The following PRKCG variants were observed in gnomAD, a reference collection of about 807,000 sequenced individuals.
PRKCG encodes protein kinase C gamma type.
Under a neutral mutation model 82.0 loss-of-function variants are expected in PRKCG, and 28 were observed. The ratio of observed to expected loss-of-function variants is 0.34; its 90% confidence interval spans 0.25 to 0.47. PRKCG has a LOEUF of 0.47. PRKCG is among the 20% of genes least tolerant of loss of function. PRKCG has a pLI of 1.00. For missense variants in PRKCG, 640 were observed against 952.7 expected (o/e 0.67, Z 4.32); for synonymous variants, 383 against 376.6 (o/e 1.02, Z -0.20).
At chr19:53,901,468 G>A (rs1031621325) in intron 14 of PRKCG, among the ~76,000 whole-genome samples, 2 of 145,638 alleles carry the variant, frequency 1.4e-5, no homozygotes, top group African/African-American at 2.6e-5. Context: ...CGCTTGAACC[G>A]GGGAGGCGGA....
In PRKCG at chr19:53,906,189, A is replaced by G. The variant is rs560947893; in HGVS notation, c.1765-128A>G. The G allele has an allele frequency of 1.5e-4, 184 of 1,236,444 alleles. 1 individual carries two copies. In the South Asian group the frequency reaches 2.2e-3, roughly 15 times the overall value. 76.6% of individuals were successfully genotyped at this position (1,236,444 alleles called of 1,614,324 possible). On this transcript the variant is annotated intron_variant, in intron 16 of 17. Coordinates refer to ENST00000263431, the MANE Select transcript of PRKCG (RefSeq NM_002739.5). Reference sequence around the variant, plus strand: ...TTGCCTGTTTCCCCTGGCTGTTCTTATCTCTCCGGATCTCATGCCTGTGTC... The same window carrying G: ...TTGCCTGTTTCCCCTGGCTGTTCTTGTCTCTCCGGATCTCATGCCTGTGTC...
rs762450570 is a variant in PRKCG at position 53,897,989 on chromosome 19, A to C, written c.970A>C (p.Ile324Leu). Residue 324 changes from isoleucine to leucine, a missense_variant, in exon 10 of 18, where the codon ATC (isoleucine) becomes CTC (leucine). Physicochemically the swap from Ile to Leu is conservative, Grantham distance 5. Coordinates refer to ENST00000263431, the MANE Select transcript of PRKCG (RefSeq NM_002739.5). Reference protein sequence around the residue: ...RVRMGPSSSPIPSPSPSPTDP... With the variant: ...RVRMGPSSSPLPSPSPSPTDP... Reference sequence around the variant, plus strand: ...GCGGATGGGCCCCTCTTCCTCTCCCATCCCCTCCCCTTCCCCTAGTCCCAC... The same window carrying C: ...GCGGATGGGCCCCTCTTCCTCTCCCCTCCCCTCCCCTTCCCCTAGTCCCAC... The C allele has an allele frequency of 2.9e-5, 47 of 1,613,712 alleles. No individual in the cohort carries two copies. In the South Asian group the frequency reaches 4.8e-4, roughly 17 times the overall value.
At chr19:53,903,011 C>G in intron 14 of PRKCG, 62 bp from the exon 15 acceptor site, 1 of 1,290,214 alleles carries the variant, frequency 7.8e-7, no homozygotes, top group Non-Finnish European at 1.1e-6. Flanking sequence ...GGGGGTGAGG[C>G]CAGAGGGGTC....
chr19:53,885,971 A>G (rs1331870026), intron 3 of PRKCG, among the ~76,000 whole-genome samples: 2 of 150,738 alleles, frequency 1.3e-5, no homozygotes, highest in African/African-American at 4.9e-5. Context: ...AGGCTGAGGC[A>G]GAATTGCTTG....
chr19:53,886,259 C>T (rs1224636893), intron 3 of PRKCG, among the ~76,000 whole-genome samples: 1 of 151,162 alleles, frequency 6.6e-6, no homozygotes, highest in African/African-American at 2.4e-5. Context: ...AGGCATGAGC[C>T]ACCATGGCCG....
At position 53,891,723 on chromosome 19, in the gene PRKCG, TC is replaced by T; in HGVS notation, c.582del (p.Tyr195MetfsTer2). The part of the protein sequence containing the change: ...IPMDPNGLSD[P>X]YVKLKLIPDP... ...CTATGGACCCCAATGGTCTCTCTGA[TC>T]CCTATGTGAAACTGAAGCTCATCCC... On this transcript the variant is annotated frameshift_variant, in exon 6 of 18. Transcript: ENST00000263431. LOFTEE classifies it high-confidence loss of function. 1 of 1,614,050 alleles carries T rather than the reference TC, an allele frequency of 6.2e-7. No individual in the cohort carries two copies. The highest frequency in any genetic ancestry group is 8.5e-7 in the Non-Finnish European group (1 of 1,179,990).
In PRKCG at chr19:53,890,035, C is replaced by A. The variant is rs983465927; in HGVS notation, c.529+18C>A. ...CGTAACTGGTGAGGCCCCGCCCCCT[C>A]GCCTGGCCCCGCCCCCTCCCCAAGT... On this transcript the variant is annotated intron_variant, in intron 5 of 17. Transcript: ENST00000263431. 2.6e-6 allele frequency: 4 copies of A among 1,547,854 alleles called. No individual in the cohort carries two copies. Among genetic ancestry groups the A allele is most frequent in the Middle Eastern group, 2.3e-4 (1 of 4,388 alleles).
At chr19:53,891,047 G>A (rs307944) in intron 5 of PRKCG, among the ~76,000 whole-genome samples, 21,574 of 151,796 alleles carry the variant, frequency 0.14, 2,047 homozygotes, top group Non-Finnish European at 0.21. Context: ...GACCGTGCCC[G>A]GCAATGGCTT....
chr19:53,887,635 C>T (rs2068641276), intron 3 of PRKCG, among the ~76,000 whole-genome samples: 1 of 148,910 alleles, frequency 6.7e-6, no homozygotes, highest in Non-Finnish European at 1.5e-5. Context: ...TCCAAACCAT[C>T]CTGGCTAACG....
rs1477143592 is a variant in PRKCG at position 53,892,261 on chromosome 19, A to G, written c.687-248A>G. On this transcript the variant is annotated intron_variant, in intron 6 of 17. Coordinates refer to ENST00000263431, the MANE Select transcript of PRKCG (RefSeq NM_002739.5). This position sits in a 1 kb window ranked among gnomAD's most constrained non-coding sequence, Gnocchi z 5.9. Reference sequence around the variant, plus strand: ...TCAGAGAGAGAGATCTCGAGAGACAAGAGACAGAGATGGGAAGGGGCGGAG... The same window carrying G: ...TCAGAGAGAGAGATCTCGAGAGACAGGAGACAGAGATGGGAAGGGGCGGAG... 1.3e-5 allele frequency among the ~76,000 whole-genome samples: 2 copies of G among 152,162 alleles called. No homozygotes were observed. The highest frequency in any genetic ancestry group is 2.9e-5 in the Non-Finnish European group (2 of 68,026).
At chr19:53,903,886 ATTTC>A (rs1168646010) in intron 15 of PRKCG, among the ~76,000 whole-genome samples, 1 of 152,222 alleles carries the variant, frequency 6.6e-6, no homozygotes, top group Non-Finnish European at 1.5e-5. Flanking sequence ...CATATGTGCA[ATTTC>A]TTATTAATTC....
intron 16 of PRKCG, among the ~76,000 whole-genome samples, chr19:53,905,062 C>G (rs1429560274): frequency 6.6e-6 from 1 of 152,142 alleles, no homozygotes; most frequent in East Asian, 1.9e-4. Flanking sequence ...AGCTTTTCTT[C>G]CTGTGTGAAC....
chr19:53,896,860 T>C (rs2068721984), intron 9 of PRKCG, among the ~76,000 whole-genome samples: 1 of 152,194 alleles, frequency 6.6e-6, no homozygotes, highest in South Asian at 2.1e-4. Flanking sequence ...AGAATAAAAG[T>C]GCCAGGAAGG....
Position 53,889,922 on chromosome 19 carries a change from G to C in PRKCG, c.434G>C (p.Ser145Thr), listed in dbSNP as rs2068659863. 6.3e-7 allele frequency: 1 copy of C among 1,583,876 alleles called. No individual in the cohort carries two copies. Among genetic ancestry groups the C allele is most frequent in the Non-Finnish European group, 8.6e-7 (1 of 1,165,962 alleles). The change falls in exon 5 of 18, where the codon AGC (serine) becomes ACC (threonine). Residue 145 changes from serine to threonine, a missense_variant. Physicochemically the swap from Ser to Thr is moderately conservative, Grantham distance 58. This residue lies in a region of PRKCG where 261 missense variants were observed against 312.1 expected (regional missense o/e 0.84). Coordinates refer to ENST00000263431, the MANE Select transcript of PRKCG (RefSeq NM_002739.5). This position sits in a 1 kb window ranked among gnomAD's most constrained non-coding sequence, Gnocchi z 4.4. ...AACGTGCACCGGCGCTGTGTGCGTA[G>C]CGTGCCCTCCCTGTGCGGTGTGGAC... ...EMNVHRRCVR[S>T]VPSLCGVDHT...
intron 9 of PRKCG, among the ~76,000 whole-genome samples, chr19:53,894,755 C>G (rs2068705955): frequency 6.6e-6 from 1 of 152,182 alleles, no homozygotes; most frequent in Non-Finnish European, 1.5e-5. Flanking sequence ...CGACCACGCC[C>G]AGACGAATAC....
chr19:53,889,313 A>AT lies in PRKCG; in HGVS notation c.286-319dup, dbSNP rs899356935. Among the ~76,000 whole-genome samples, 10 of 151,922 alleles carry AT rather than the reference A, an allele frequency of 6.6e-5. No homozygotes were observed. Among genetic ancestry groups the AT allele is most frequent in the African/African-American group, 2.4e-4 (10 of 41,410 alleles). ...TTCTGGTGGTCCCCATCCCTGCCTC[A>AT]TTTTTTCTCCAGAGCACCCATTACC... On this transcript the variant is annotated intron_variant, in intron 3 of 17. Transcript: ENST00000263431. This position sits in a 1 kb window ranked among gnomAD's most constrained non-coding sequence, Gnocchi z 4.4.
rs2068616532 is a variant in PRKCG at position 53,884,343 on chromosome 19, G to A, written c.285+100G>A. 5 of 1,162,876 alleles carry A rather than the reference G, an allele frequency of 4.3e-6. No individual in the cohort carries two copies. Among genetic ancestry groups the A allele is most frequent in the Middle Eastern group, 2.7e-4 (1 of 3,692 alleles). 72.0% of individuals were successfully genotyped at this position (1,162,876 alleles called of 1,614,324 possible). On this transcript the variant is annotated intron_variant, in intron 3 of 17. Transcript: ENST00000263431. The surrounding 1 kb of genome is among the most constrained non-coding windows in gnomAD (Gnocchi z 4.6). ...TCTCCTGCTATTTTTATGGCTGGGA[G>A]GGGAGGGGGGCTGGAGAGATAGGGG...
chr19:53,907,310 G>C lies in PRKCG; in HGVS notation c.*415G>C, dbSNP rs2068821858. On this transcript the variant is annotated 3_prime_UTR_variant, in exon 18 of 18. Coordinates refer to ENST00000263431, the MANE Select transcript of PRKCG (RefSeq NM_002739.5). ...AGACTCAGGTTCCAGAACAGCCCTC[G>C]GCCTCCGAGGCTCCCCGCCTCCACT... is the stretch of plus-strand genomic sequence containing the variant. 3.6e-6 allele frequency: 1 copy of C among 277,998 alleles called. No homozygotes were observed. Among genetic ancestry groups the C allele is most frequent in the Admixed American group, 4.9e-5 (1 of 20,326 alleles). The allele number at this position is 277,998 out of a possible 1,614,324, so 17.2% of individuals were successfully genotyped here.
At position 53,883,977 on chromosome 19, in the gene PRKCG, T is replaced by C. The variant is rs2068612745; in HGVS notation, c.203-184T>C. On this transcript the variant is annotated intron_variant, in intron 2 of 17. Transcript: ENST00000263431. This position sits in a 1 kb window ranked among gnomAD's most constrained non-coding sequence, Gnocchi z 5.4. The stretch of plus-strand genomic sequence containing the variant: ...ACTCTGAGCCCATCTCTTGGGTTTC[T>C]GTCTCCTGCTTCTCTCTCTGGCCTC... Among the ~76,000 whole-genome samples, 1 of 152,156 alleles carries C rather than the reference T, an allele frequency of 6.6e-6. No homozygotes were observed. The highest frequency in any genetic ancestry group is 2.4e-5 in the African/African-American group (1 of 41,438).
Sources: gnomAD v4.1 joint callset for allele counts (sites outside exome capture counted in the v4.1 genomes callset) on GRCh38, gnomAD v4.1.1 for gene constraint, gnomAD v4.1.1 regional missense constraint, Gnocchi (gnomAD v3.1) non-coding constraint, MANE v1.5 for transcripts, NCBI Gene and HGNC (gene_info 2026-07-23, HGNC 2026-07-21) for gene names.